The following MACF1 variants were observed in gnomAD, a reference collection of about 807,000 sequenced individuals.
MACF1 encodes microtubule actin crosslinking factor 1, also known as microtubule-actin cross-linking factor 1.
A neutral mutation model predicts 854.8 loss-of-function variants in MACF1; 193 were observed. The ratio of observed to expected loss-of-function variants is 0.23; its 90% CI spans 0.20 to 0.25. The LOEUF is 0.25. Ranked by LOEUF, MACF1 falls within the 10% of genes least tolerant of loss-of-function variation. The pLI is 1.00. For missense variants in MACF1, 7,722 were observed against 8,929.1 expected, an observed-to-expected ratio of 0.86 and a Z score of 5.45; for synonymous variants, 3,185 against 3,226.7, an observed-to-expected ratio of 0.99 and a Z score of 0.44.
chr1:39,390,127 C>T (rs1054267323), intron 58 of MACF1, among the ~76,000 whole-genome samples: 2 of 152,136 alleles, frequency 1.3e-5, no homozygotes, highest in Non-Finnish European at 2.9e-5. Context: ...GTGGTAAATA[C>T]GTAAAAGTCT....
chr1:39,104,445 T>C (rs1166891819), intron 2 of MACF1, among the ~76,000 whole-genome samples: 1 of 152,214 alleles, frequency 6.6e-6, no homozygotes, highest in Non-Finnish European at 1.5e-5. Context: ...CTTCCCCTTT[T>C]CTTCCCTGAC....
intron 2 of MACF1, among the ~76,000 whole-genome samples, chr1:39,145,110 C>T (rs560441204): frequency 6.6e-6 from 1 of 152,224 alleles, no homozygotes; most frequent in South Asian, 2.1e-4. Context: ...AGTGCCACTG[C>T]ATAACAGTGT....
upstream of MACF1, among the ~76,000 whole-genome samples, chr1:39,201,173 C>G (rs1052515725): frequency 6.6e-6 from 1 of 152,184 alleles, no homozygotes; most frequent in Non-Finnish European, 1.5e-5. Context: ...ATAAGCAAAT[C>G]CAGATGATTC....
chr1:39,196,593 A>G lies in MACF1; in HGVS notation c.221-34589A>G, dbSNP rs1459890814. Among the ~76,000 whole-genome samples the G allele has an allele frequency of 2.6e-5, 4 of 152,120 alleles. No homozygotes were observed. The East Asian group carries it at 7.7e-4, about 29-fold the overall frequency. On this transcript the variant is annotated intron_variant, in intron 2 of 93. Transcript: ENST00000361689. Reference sequence around the variant, plus strand: ...ATGTGCTATTCCCTCTACCAAATTTATAATCTTAGGTATATTTATTGTATT... The same window carrying G: ...ATGTGCTATTCCCTCTACCAAATTTGTAATCTTAGGTATATTTATTGTATT...
At position 39,292,335 on chromosome 1, in the gene MACF1, C is replaced by T. The variant is rs72661945; in HGVS notation, c.1914+297C>T. Among the ~76,000 whole-genome samples, 121 of 152,322 alleles carry T rather than the reference C, an allele frequency of 7.9e-4. 1 individual carries two copies. The highest frequency in any genetic ancestry group is 3.4e-3 in the Middle Eastern group (1 of 294). On this transcript the variant is annotated intron_variant, in intron 16 of 100. Transcript: ENST00000564288. ...CAGCATCCAAACTCAGGCCCTCTGC[C>T]TCTATAAATTCAGGCACTTTTTACT...
chr1:39,123,709 C>CTTATTTTTT (rs1376838861), intron 2 of MACF1, among the ~76,000 whole-genome samples: 5 of 94,386 alleles, frequency 5.3e-5, no homozygotes, highest in Non-Finnish European at 6.5e-5. Context: ...CCGGCTAATT[C>CTTATTTTTT]TTGTTTTGTT....
rs185769891 is a variant in MACF1, at chr1:39,361,408, C to T, written c.12502C>T (p.Arg4168Cys). 242 of 1,614,024 alleles carry T rather than the reference C, an allele frequency of 1.5e-4. No individual in the cohort carries two copies. In the East Asian group the frequency reaches 2.6e-3, roughly 17 times the overall value. ...GCAAAAGAGCAGCTTGGAGGCCACCCGTGAGATGGTGACCCGATTCATGGA... is the reference window on the plus strand; with the variant it reads ...GCAAAAGAGCAGCTTGGAGGCCACCTGTGAGATGGTGACCCGATTCATGGA... The part of the protein sequence containing the change: ...ARQKSSLEAT[R>C]EMVTRFMETA... The change falls in exon 49 of 101, where the codon CGT becomes TGT. Residue 4168 changes from arginine (R) to cysteine (C), a missense_variant. Physicochemically the swap from Arg to Cys is radical, Grantham distance 180. This residue lies in a region of MACF1 where 2,807 missense variants were observed against 3,235.8 expected (regional missense o/e 0.87). Transcript: ENST00000564288.
chr1:39,202,402 C>T (rs1308140066), upstream of MACF1, among the ~76,000 whole-genome samples: 1 of 151,472 alleles, frequency 6.6e-6, no homozygotes, highest in Non-Finnish European at 1.5e-5. Context: ...TTTGGGAGGC[C>T]AAGGCAGTTG....
chr1:39,253,072 C>T (rs1390903735), intron 4 of MACF1, among the ~76,000 whole-genome samples: 4 of 152,152 alleles, frequency 2.6e-5, no homozygotes, highest in Non-Finnish European at 5.9e-5. Context: ...TGATATTTCT[C>T]TCCAAATTTT....
intron 2 of MACF1, among the ~76,000 whole-genome samples, chr1:39,085,040 TG>T (rs1641637863): frequency 6.6e-6 from 1 of 152,176 alleles, no homozygotes; most frequent in Non-Finnish European, 1.5e-5. Context: ...CCTCCTGTGG[TG>T]GGATGTGCCC....
At chr1:39,377,908 A>G (rs755623366) in intron 52 of MACF1, among the ~76,000 whole-genome samples, 21 of 151,768 alleles carry the variant, frequency 1.4e-4, no homozygotes, top group Non-Finnish European at 2.9e-4. Context: ...AGAGGCTGAG[A>G]TGGGAGAATT....
chr1:39,199,453 G>A (rs772906653), intron 2 of MACF1, among the ~76,000 whole-genome samples: 1 of 151,944 alleles, frequency 6.6e-6, no homozygotes, highest in African/African-American at 2.4e-5. Context: ...ACCAACCTGG[G>A]CTGTAACATA....
chr1:39,117,350 T>C (rs1471757178), intron 2 of MACF1, among the ~76,000 whole-genome samples: 6 of 152,206 alleles, frequency 3.9e-5, no homozygotes, highest in Non-Finnish European at 5.9e-5. Flanking sequence ...TTTATTGCCA[T>C]GTTCGCCACA....
In MACF1 at chr1:39,261,231, A is replaced by T. The variant is rs188313749; in HGVS notation, c.528+3203A>T. On this transcript the variant is annotated intron_variant, in intron 6 of 100. Coordinates refer to ENST00000564288, the MANE Select transcript of MACF1 (RefSeq NM_001394062.1). ...TGCTCCCTCCATTCTGTATCTTCCC[A>T]TTCTCTGTAGTTAGCTAAATGTTTT... Among the ~76,000 whole-genome samples the T allele has an allele frequency of 2.0e-3, 305 of 152,184 alleles. 2 individuals are homozygous for T. Among genetic ancestry groups the T allele is most frequent in the African/African-American group, 7.1e-3 (295 of 41,532 alleles).
chr1:39,457,063 T>A (rs552474635), intron 89 of MACF1: 1 of 152,290 alleles, frequency 6.6e-6, no homozygotes, highest in Non-Finnish European at 1.5e-5. Context: ...GATGCTCTCC[T>A]CACTCTGCTA....
chr1:39,231,899 C>T (rs1351159152), intron 2 of MACF1, among the ~76,000 whole-genome samples: 1 of 151,726 alleles, frequency 6.6e-6, no homozygotes, highest in African/African-American at 2.4e-5. Flanking sequence ...GGGATTTTCT[C>T]TCTTTCTCTT....
intron 2 of MACF1, among the ~76,000 whole-genome samples, chr1:39,244,119 G>C (rs746793883): frequency 8.0e-5 from 12 of 150,556 alleles, no homozygotes; most frequent in Non-Finnish European, 1.2e-4. Flanking sequence ...AATTTTTTTT[G>C]GGGGGGACAG....
intron 1 of MACF1, among the ~76,000 whole-genome samples, chr1:39,206,204 A>T (rs1382860182): frequency 2.0e-5 from 3 of 152,210 alleles, no homozygotes; most frequent in Non-Finnish European, 4.4e-5. Flanking sequence ...TTCAGATCCT[A>T]GTGTGCATCT....
Position 39,315,390 on chromosome 1 carries a change from A to G in MACF1, c.3271-123A>G, listed in dbSNP as rs908437587. The G allele has an allele frequency of 5.4e-6, 4 of 742,882 alleles. No individual in the cohort carries two copies. The Admixed American group carries it at 1.0e-4, about 19-fold the overall frequency. The allele number at this position is 742,882 out of a possible 1,614,324, so 46.0% of individuals were successfully genotyped here. A position where few individuals can be genotyped will look rare whatever the true frequency, so the allele number is the denominator to read the frequency against. On this transcript the variant is annotated intron_variant, in intron 26 of 100. Coordinates refer to ENST00000564288, the MANE Select transcript of MACF1 (RefSeq NM_001394062.1). ...GTATGTCTGCTTCATAGTTTATTCA[A>G]CCAGCCTCCTATATATGGGCATTTA...
Sources: allele counts gnomAD v4.1 joint callset (sites outside exome capture counted in the v4.1 genomes callset), GRCh38; gene constraint gnomAD v4.1.1; regional missense constraint gnomAD v4.1.1; transcripts MANE v1.5; gene names NCBI Gene and HGNC (gene_info 2026-07-23, HGNC 2026-07-21).